Variants in ASRGL1 observed in about 807,000 individuals in gnomAD.
The protein encoded by ASRGL1 is asparaginase and isoaspartyl peptidase 1.
ASRGL1 carries 16 observed loss-of-function variants against 22.4 expected under a neutral mutation model. That is an observed-to-expected ratio of 0.71 (90% CI 0.48 to 1.08). The LOEUF (loss-of-function observed/expected upper bound fraction) is 1.08, where lower values mean the gene tolerates loss of function less well. Ranked by LOEUF, ASRGL1 falls within the 50% of genes least tolerant of loss-of-function variation. ASRGL1 has a pLI of 0.00. For synonymous variants in ASRGL1, 165 were observed against 159.3 expected, an observed-to-expected ratio of 1.04 and a Z score of -0.27; for missense variants, 412 against 410.1, an observed-to-expected ratio of 1.00 and a Z score of -0.04.
chr11:62,371,917 G>A, intron 4 of ASRGL1: 1 of 569,158 alleles, frequency 1.8e-6, no homozygotes, highest in South Asian at 2.1e-5. Context: ...TCGCGCCACT[G>A]CACTCTAGCC....
intron 5 of ASRGL1, among the ~76,000 whole-genome samples, chr11:62,390,949 G>A (rs1947322158): frequency 6.6e-6 from 1 of 152,152 alleles, no homozygotes; most frequent in Non-Finnish European, 1.5e-5. Context: ...CTTAATCCAA[G>A]CCCAAAATAA....
At chr11:62,379,616 C>T (rs1374875727) in intron 4 of ASRGL1, among the ~76,000 whole-genome samples, 1 of 152,206 alleles carries the variant, frequency 6.6e-6, no homozygotes, top group Non-Finnish European at 1.5e-5. Flanking sequence ...ACAGTCCCCT[C>T]AGGCAGGGGG....
In ASRGL1 at chr11:62,375,464, ATATATATATATATATATT is replaced by A. The variant is rs1487028471; in HGVS notation, c.492-13667_492-13650del. On this transcript the variant is annotated intron_variant, in intron 4 of 6. Transcript: ENST00000415229. ...TATATATATATATATATATATATAT[ATATATATATATATATATT>A]TCTTGGAGTAAACATTTTAAATAAA... Among the ~76,000 whole-genome samples the A allele has an allele frequency of 9.1e-3, 754 of 82,684 alleles. 40 individuals are homozygous for A. The highest frequency in any genetic ancestry group is 0.077 in the East Asian group (224 of 2,918). The allele number at this position is 82,684 out of a possible 152,430, so 54.2% of individuals were successfully genotyped here.
In ASRGL1 at chr11:62,362,739, A is replaced by T. The variant is rs1216257955; in HGVS notation, c.491+5595A>T. Among the ~76,000 whole-genome samples the T allele has an allele frequency of 1.2e-3, 118 of 101,920 alleles. 2 individuals carry two copies. The highest frequency in any genetic ancestry group is 3.9e-3 in the African/African-American group (106 of 27,272). 66.9% of individuals were successfully genotyped at this position (101,920 alleles called of 152,430 possible). On this transcript the variant is annotated intron_variant, in intron 4 of 6. Transcript: ENST00000415229. The stretch of plus-strand genomic sequence containing the variant: ...TTATATGTTATATATAAAATATAAT[A>T]TATATTATATATATAAATTTATATA...
At chr11:62,365,581 G>A (rs925878832) in intron 4 of ASRGL1, among the ~76,000 whole-genome samples, 2 of 151,962 alleles carry the variant, frequency 1.3e-5, no homozygotes, top group African/African-American at 4.8e-5. Flanking sequence ...TGGGTGCGGT[G>A]GCTCACACCT....
At chr11:62,371,302 G>A (rs761695323) in intron 4 of ASRGL1, 11 of 1,379,036 alleles carry the variant, frequency 8.0e-6, no homozygotes, top group South Asian at 7.0e-5. Context: ...CGACGAGGAC[G>A]GCCTGGAGCT....
chr11:62,354,325 G>C (rs1228284307), intron 2 of ASRGL1, among the ~76,000 whole-genome samples: 1 of 152,162 alleles, frequency 6.6e-6, no homozygotes. Context: ...GTTATCTATG[G>C]GGGATGTGTT....
At chr11:62,356,592 C>A in intron 3 of ASRGL1, 125 bp downstream of exon 3, 1 of 1,219,420 alleles carries the variant, frequency 8.2e-7, no homozygotes, top group Non-Finnish European at 1.1e-6. Flanking sequence ...AAAACAGATG[C>A]AATGTATTTG....
At chr11:62,386,478 G>GTAAATATCA (rs1947211952) in intron 4 of ASRGL1, among the ~76,000 whole-genome samples, 2 of 149,174 alleles carry the variant, frequency 1.3e-5, no homozygotes, top group Admixed American at 6.6e-5. Flanking sequence ...TCATAGATAT[G>GTAAATATCA]TACATATATA....
intron 4 of ASRGL1, among the ~76,000 whole-genome samples, chr11:62,386,478 G>GTACATATCATACATATCATAGATATT (rs1947212259): frequency 6.7e-6 from 1 of 149,176 alleles, no homozygotes; most frequent in African/African-American, 2.6e-5. Context: ...TCATAGATAT[G>GTACATATCATACATATCATAGATATT]TACATATATA....
intron 2 of ASRGL1, among the ~76,000 whole-genome samples, chr11:62,344,012 T>G (rs1287666599): frequency 1.5e-5 from 2 of 133,146 alleles, no homozygotes; most frequent in African/African-American, 5.5e-5. Flanking sequence ...CACCGCAACC[T>G]CCACCTCCTG....
chr11:62,383,793 G>A (rs1477142156), intron 4 of ASRGL1, among the ~76,000 whole-genome samples: 1 of 150,242 alleles, frequency 6.7e-6, no homozygotes, highest in Non-Finnish European at 1.5e-5. Context: ...GCTTGGCAGT[G>A]TGCACCTGTA....
At chr11:62,388,355 C>T (rs1947261626) in intron 4 of ASRGL1, among the ~76,000 whole-genome samples, 1 of 152,150 alleles carries the variant, frequency 6.6e-6, no homozygotes, top group Non-Finnish European at 1.5e-5. Flanking sequence ...GCATCAGCGA[C>T]ACCCGGGAGG....
At chr11:62,398,059 C>A (rs1033258340), downstream of ASRGL1, among the ~76,000 whole-genome samples, 1 of 151,984 alleles carries the variant, frequency 6.6e-6, no homozygotes, top group Non-Finnish European at 1.5e-5. Flanking sequence ...CCACCACAGG[C>A]GCTGGGGGCC....
At chr11:62,343,939 T>TA (rs1945943108) in intron 2 of ASRGL1, among the ~76,000 whole-genome samples, 1 of 146,808 alleles carries the variant, frequency 6.8e-6, no homozygotes, top group Admixed American at 6.8e-5. Context: ...TTTTTTTTTT[T>TA]CTTTTTGAGA....
downstream of ASRGL1, among the ~76,000 whole-genome samples, chr11:62,394,232 T>C (rs1390770705): frequency 2.9e-5 from 4 of 139,578 alleles, no homozygotes; most frequent in Non-Finnish European, 6.1e-5. Context: ...ATATATTTTA[T>C]GTATTATATA....
intron 3 of ASRGL1, 78 bp from the exon 4 acceptor site, chr11:62,356,909 T>C (rs1946310525): frequency 2.7e-6 from 4 of 1,469,874 alleles, no homozygotes; most frequent in Non-Finnish European, 3.6e-6. Context: ...GAAGTAATTA[T>C]TTCAACACAG....
chr11:62,395,366 T>C (rs1251218845), downstream of ASRGL1, among the ~76,000 whole-genome samples: 1 of 151,758 alleles, frequency 6.6e-6, no homozygotes, highest in African/African-American at 2.4e-5. Flanking sequence ...GGTGGGATAA[T>C]AAGGAGCACA....
In ASRGL1 at chr11:62,383,560, G is replaced by A. The variant is rs369681764; in HGVS notation, c.492-5573G>A. ...GGAGCTTGCAGTGAGCCGAGATCCC[G>A]CCACTGCACTCCAGCCTGGGCGACA... is the stretch of plus-strand genomic sequence containing the variant. On this transcript the variant is annotated intron_variant, in intron 4 of 6. Coordinates refer to ENST00000415229, the MANE Select transcript of ASRGL1 (RefSeq NM_001083926.2). 5.4e-4 allele frequency among the ~76,000 whole-genome samples: 62 copies of A among 115,432 alleles called. 1 individual carries two copies. The East Asian group carries it at 0.016, about 30-fold the overall frequency. 75.7% of individuals were successfully genotyped at this position (115,432 alleles called of 152,430 possible). A position where few individuals can be genotyped will look rare whatever the true frequency, so the allele number is the denominator to read the frequency against.
Sources: gnomAD v4.1 joint callset for allele counts (sites outside exome capture counted in the v4.1 genomes callset) on GRCh38, gnomAD v4.1.1 for gene constraint, MANE v1.5 for transcripts, NCBI Gene and HGNC (gene_info 2026-07-23, HGNC 2026-07-21) for gene names.